The following CIZ1 variants were observed in gnomAD, a reference collection of about 807,000 sequenced individuals.
CIZ1 encodes cip1-interacting zinc finger protein.
A neutral mutation model predicts 118.6 loss-of-function variants in CIZ1; 58 were observed. That is an observed-to-expected ratio of 0.49 (90% confidence interval 0.40 to 0.61). The LOEUF is 0.61. CIZ1 is among the 20% of genes least tolerant of loss of function. The pLI, the probability that CIZ1 is intolerant of heterozygous loss-of-function variation, is 0.00. For synonymous variants in CIZ1, 448 were observed against 443.4 expected (o/e 1.01, Z -0.13); for missense variants, 921 against 1,115.9 (o/e 0.83, Z 2.49).
At chr9:128,186,964 G>A (rs1232419604) in intron 4 of CIZ1, among the ~76,000 whole-genome samples, 1 of 148,890 alleles carries the variant, frequency 6.7e-6, no homozygotes, top group Non-Finnish European at 1.5e-5. Flanking sequence ...TTTTGAGAGG[G>A]AGTCTTGCTC....
chr9:128,193,725 A>G (rs913392662), upstream of CIZ1, among the ~76,000 whole-genome samples: 2 of 152,064 alleles, frequency 1.3e-5, no homozygotes, highest in African/African-American at 4.8e-5. Flanking sequence ...ATAAAAATCA[A>G]AGACTGCCCA....
intron 1 of CIZ1, chr9:128,199,880 C>T (rs10987925): frequency 0.31 from 46,225 of 150,066 alleles, 7,557 homozygotes; most frequent in African/African-American, 0.36. Context: ...CCCCTGCCTC[C>T]CAGGTTCAAG....
chr9:128,191,824 G>C (rs1833193576), upstream of CIZ1: 26 of 1,458,570 alleles, frequency 1.8e-5, no homozygotes, highest in East Asian at 7.1e-4. The surrounding 1 kb of genome is among the most constrained non-coding windows in gnomAD (Gnocchi z 5.5). Flanking sequence ...GCGGGGCATC[G>C]AGGGGGACTT....
intron 11 of CIZ1, among the ~76,000 whole-genome samples, chr9:128,175,736 C>A (rs1327359032): frequency 6.6e-6 from 1 of 152,148 alleles, no homozygotes; most frequent in Non-Finnish European, 1.5e-5. Context: ...ACTAAGAGAT[C>A]CAGAGATGAG....
At chr9:128,169,267 C>T in intron 13 of CIZ1, 66 bp from the exon 14 acceptor site, 1 of 1,433,370 alleles carries the variant, frequency 7.0e-7, no homozygotes, top group Non-Finnish European at 9.8e-7. Context: ...GCCCTACCCA[C>T]CCCACCCCTC....
chr9:128,191,112 T>TC lies in CIZ1; in HGVS notation c.-5-251dup, dbSNP rs2131030522. The stretch of plus-strand genomic sequence containing the variant: ...CCCCCCAGACACTGCCAACAGCCCC[T>TC]CCTTCAAGTCCCTCCATCTCTCCAT... On this transcript the variant is annotated intron_variant, in intron 1 of 16. Coordinates refer to ENST00000372938, the MANE Select transcript of CIZ1 (RefSeq NM_001131016.2). This position sits in a 1 kb window ranked among gnomAD's most constrained non-coding sequence, Gnocchi z 5.5. Among the ~76,000 whole-genome samples, 1 of 150,860 alleles carries TC rather than the reference T, an allele frequency of 6.6e-6. No individual in the cohort carries two copies. The highest frequency in any genetic ancestry group is 2.1e-4 in the South Asian group (1 of 4,720).
upstream of CIZ1, among the ~76,000 whole-genome samples, chr9:128,196,546 T>C (rs1833381105): frequency 7.0e-6 from 1 of 142,326 alleles, no homozygotes. Context: ...AGACCCTGTC[T>C]CAAAAAAAAA....
chr9:128,177,131 AC>A (rs1254428800), intron 10 of CIZ1, among the ~76,000 whole-genome samples: 2 of 151,990 alleles, frequency 1.3e-5, no homozygotes, highest in Non-Finnish European at 2.9e-5. Flanking sequence ...CTTGTGATCC[AC>A]CCACCTCAGC....
intron 2 of CIZ1, 62 bp from the exon 3 acceptor site, chr9:128,190,506 A>G (rs775092435): frequency 3.9e-5 from 56 of 1,419,918 alleles, no homozygotes; most frequent in Non-Finnish European, 5.3e-5. Context: ...TTCTTCCCCA[A>G]GGCTTCTCAC....
rs1370031286 is a variant in CIZ1, at chr9:128,169,484, A to C, written c.2067T>G (p.Val689=). The change falls in exon 13 of 17, where the codon GTT becomes GTG. Residue 689 remains valine, a synonymous_variant. Transcript: ENST00000372938. ...AKQSLRPFCT[V]CNRYFKTPRK... is the part of the protein sequence containing the mutation. ...GAGGGGTTTTGAAGTAGCGGTTGCA[A>C]ACGGTGCAGAAGGGTCGCAAGGATT... 6.2e-7 allele frequency: 1 copy of C among 1,614,038 alleles called. No individual in the cohort carries two copies. The highest frequency in any genetic ancestry group is 2.2e-5 in the East Asian group (1 of 44,890).
rs561719219 is a variant in CIZ1, at chr9:128,203,784, C to T, written c.-6+402G>A. Among the ~76,000 whole-genome samples, 14 of 142,146 alleles carry T rather than the reference C, an allele frequency of 9.8e-5. No homozygotes were observed. The South Asian group carries it at 1.5e-3, about 15-fold the overall frequency. The allele number at this position is 142,146 out of a possible 152,430, so 93.3% of individuals were successfully genotyped here. A position where few individuals can be genotyped will look rare whatever the true frequency, so the allele number is the denominator to read the frequency against. ...CCCCCAGCCGGAGCGAGGAGGCCCT[C>T]CCCCCACCACGAGAGCCCCTCGGGG... On this transcript the variant is annotated intron_variant, in intron 1 of 17. Transcript: ENST00000372948. This position sits in a 1 kb window ranked among gnomAD's most constrained non-coding sequence, Gnocchi z 5.3.
chr9:128,185,619 G>A lies in CIZ1; in HGVS notation c.516C>T (p.Ser172=), dbSNP rs754982317. 4.5e-6 allele frequency: 7 copies of A among 1,553,338 alleles called. No homozygotes were observed. Among genetic ancestry groups the A allele is most frequent in the African/African-American group, 2.7e-5 (2 of 73,106 alleles). Residue 172 remains serine (S), a synonymous_variant, in exon 5 of 17, where the codon TCC becomes TCT. Coordinates refer to ENST00000372938, the MANE Select transcript of CIZ1 (RefSeq NM_001131016.2). ...GGTTCCGTCCTGAAAGGTTGAACTG[G>A]GAAGGGTTCATGGGGACCCCAACAG... ...PPPVGVPMNP[S]QFNLSGRNPQ...
upstream of CIZ1, among the ~76,000 whole-genome samples, chr9:128,192,530 TTTTA>T (rs1473740439): frequency 1.3e-5 from 2 of 151,338 alleles, no homozygotes; most frequent in Admixed American, 6.6e-5. Flanking sequence ...GTAGTAATTC[TTTTA>T]TTTATTTTTT....
In CIZ1 at chr9:128,166,901, G is replaced by T; in HGVS notation, c.2366-21C>A. ...CACACCTGTAGGATGGGATGGCAGGGTCTGCACTCACATCCCTGTACCAGC... is the reference window on the plus strand; with the variant it reads ...CACACCTGTAGGATGGGATGGCAGGTTCTGCACTCACATCCCTGTACCAGC... On this transcript the variant is annotated intron_variant, in intron 15 of 16. Transcript: ENST00000372938. The surrounding 1 kb of genome is among the most constrained non-coding windows in gnomAD (Gnocchi z 4.4). The T allele has an allele frequency of 1.9e-6, 3 of 1,614,166 alleles. No individual in the cohort carries two copies. The highest frequency in any genetic ancestry group is 2.5e-6 in the Non-Finnish European group (3 of 1,180,010).
chr9:128,175,782 G>T (rs566286056), intron 11 of CIZ1, among the ~76,000 whole-genome samples: 1 of 152,074 alleles, frequency 6.6e-6, no homozygotes, highest in African/African-American at 2.4e-5. Context: ...CTGTGTCCCC[G>T]CTGTGGCCCT....
At position 128,179,112 on chromosome 9, in the gene CIZ1, C is replaced by T. The variant is rs760700689; in HGVS notation, c.1095G>A (p.Leu365=). Residue 365 remains leucine, a synonymous_variant, in exon 8 of 17, where the codon CTG becomes CTA. Transcript: ENST00000372938. ...VLQQKQVQPQ[L]QQEAEPQKQV... is the part of the protein sequence containing the mutation. ...GCTTCTGTGGCTCTGCCTCCTGCTG[C>T]AGCTGTGGCTGCACCTGCTTCTGTT... 10 of 1,613,872 alleles carry T rather than the reference C, an allele frequency of 6.2e-6. No homozygotes were observed. The highest frequency in any genetic ancestry group is 8.5e-6 in the Non-Finnish European group (10 of 1,179,912).
At position 128,199,648 on chromosome 9, in the gene CIZ1, G is replaced by C. The variant is rs977883717; in HGVS notation, c.-6+4538C>G. Among the ~76,000 whole-genome samples, 18 of 152,122 alleles carry C rather than the reference G, an allele frequency of 1.2e-4. No homozygotes were observed. In the East Asian group the frequency reaches 3.3e-3, roughly 28 times the overall value. ...TGAGCCCAGGAGTTTGAGGCTACAG[G>C]GAGCTGCGATTGTGCTACTGCACTC... is the stretch of plus-strand genomic sequence containing the variant. On this transcript the variant is annotated intron_variant, in intron 1 of 17. Transcript: ENST00000372948.
rs770872921 is a variant in CIZ1, at chr9:128,176,465, T to C, written c.1829A>G (p.Asp610Gly). The C allele has an allele frequency of 7.4e-6, 12 of 1,612,936 alleles. No individual in the cohort carries two copies. In the South Asian group the frequency reaches 1.3e-4, roughly 18 times the overall value. Reference sequence around the variant, plus strand: ...CTGGTGCTGAGGCTCCGACATGTGGTCCTGGAACTCCTGCAGCAGGAGGGA... The same window carrying C: ...CTGGTGCTGAGGCTCCGACATGTGGCCCTGGAACTCCTGCAGCAGGAGGGA... ...ASCSSQQEFQ[D>G]HMSEPQHQQR... Residue 610 changes from aspartate (D) to glycine (G), a missense_variant, in exon 11 of 17, where the codon GAC (aspartate) becomes GGC (glycine). Transcript: ENST00000372938.
At chr9:128,172,318 C>A (rs1340445073) in intron 11 of CIZ1, among the ~76,000 whole-genome samples, 1 of 152,028 alleles carries the variant, frequency 6.6e-6, no homozygotes, top group Non-Finnish European at 1.5e-5. Flanking sequence ...ATGGTGAAAC[C>A]CTGTCTCTAC....
Sources: gnomAD v4.1 joint callset for allele counts (sites outside exome capture counted in the v4.1 genomes callset) on GRCh38, gnomAD v4.1.1 for gene constraint, Gnocchi (gnomAD v3.1) non-coding constraint, MANE v1.5 for transcripts, NCBI Gene and HGNC (gene_info 2026-07-23, HGNC 2026-07-21) for gene names.